ASTN2: variants seen among roughly 807,000 people sequenced by gnomAD.
The protein encoded by ASTN2 is astrotactin-2.
Under a neutral mutation model 139.8 loss-of-function variants are expected in ASTN2, and 54 were observed. That is an observed-to-expected ratio of 0.39 (90% CI 0.31 to 0.48). ASTN2 has a LOEUF of 0.48. Ranked by LOEUF, ASTN2 falls within the 20% of genes least tolerant of loss-of-function variation. The probability of loss-of-function intolerance (pLI) is 0.95; values close to 1 mark genes in which losing one functional copy is unlikely to be tolerated. For synonymous variants in ASTN2, 756 were observed against 719.5 expected (o/e 1.05, Z -0.81); for missense variants, 1,565 against 1,725.1 (o/e 0.91, Z 1.64).
intron 19 of ASTN2, among the ~76,000 whole-genome samples, chr9:116,536,229 G>C (rs1284797249): frequency 6.6e-6 from 1 of 151,784 alleles, no homozygotes; most frequent in African/African-American, 2.4e-5. Flanking sequence ...GGACTTCTCT[G>C]CATTGGTTAT....
intron 17 of ASTN2, among the ~76,000 whole-genome samples, chr9:116,640,754 C>G (rs1264018278): frequency 2.6e-5 from 4 of 152,198 alleles, no homozygotes; most frequent in Non-Finnish European, 5.9e-5. Flanking sequence ...TGGTTTTAAT[C>G]ACGAAAGTGA....
chr9:117,302,187 A>G lies in ASTN2; in HGVS notation c.443-10674T>C, dbSNP rs530159029. Among the ~76,000 whole-genome samples the G allele has an allele frequency of 2.0e-5, 3 of 152,088 alleles. No individual in the cohort carries two copies. The East Asian group carries it at 5.8e-4, about 29-fold the overall frequency. ...ACTTTACTTGTAAACAGTTTCCAAGACCCTTCCACCTTGTCCCCAGTGCCC... is the reference window on the plus strand; with the variant it reads ...ACTTTACTTGTAAACAGTTTCCAAGGCCCTTCCACCTTGTCCCCAGTGCCC... On this transcript the variant is annotated intron_variant, in intron 1 of 22. Transcript: ENST00000313400.
chr9:117,295,611 G>C (rs1351972119), intron 1 of ASTN2, among the ~76,000 whole-genome samples: 1 of 151,768 alleles, frequency 6.6e-6, no homozygotes, highest in East Asian at 1.9e-4. Context: ...ATATATTTCA[G>C]TGATTTGGTA....
chr9:116,721,637 A>G (rs1828475221), intron 16 of ASTN2, among the ~76,000 whole-genome samples: 1 of 152,128 alleles, frequency 6.6e-6, no homozygotes, highest in South Asian at 2.1e-4. Flanking sequence ...TGGAACCTAG[A>G]GCTTCCAGGG....
At chr9:116,475,068 C>T (rs1848935300) in intron 20 of ASTN2, among the ~76,000 whole-genome samples, 1 of 152,106 alleles carries the variant, frequency 6.6e-6, no homozygotes, top group African/African-American at 2.4e-5. Flanking sequence ...GAGAAGTGGC[C>T]TAGATAAGAG....
chr9:116,620,429 T>C lies in ASTN2; in HGVS notation c.3087A>G (p.Ala1029=). The C allele has an allele frequency of 6.2e-7, 1 of 1,614,092 alleles. No homozygotes were observed. The highest frequency in any genetic ancestry group is 8.5e-7 in the Non-Finnish European group (1 of 1,180,000). The change falls in exon 18 of 23, where the codon GCA becomes GCG. Residue 1029 remains alanine, a synonymous_variant. Coordinates refer to ENST00000313400, the MANE Select transcript of ASTN2 (RefSeq NM_001365068.1). The part of the protein sequence containing the change: ...DNGTKEAFKS[A]LMSSYWCSGK... ...CTGAGCACCAGTAGGAACTCATCAG[T>C]GCACTCTTGAAGGCCTGGACAAAAA...
intron 1 of ASTN2, among the ~76,000 whole-genome samples, chr9:117,313,375 A>G (rs141425066): frequency 1.7e-3 from 264 of 152,242 alleles, no homozygotes; most frequent in African/African-American, 6.1e-3. Flanking sequence ...CTGCTGCTCA[A>G]TGGGGCCTCA....
At chr9:116,491,912 C>A (rs74608346) in intron 19 of ASTN2, among the ~76,000 whole-genome samples, 6,347 of 152,268 alleles carry the variant, frequency 0.042, 364 homozygotes, top group Admixed American at 0.18. Context: ...ACTCCACTTA[C>A]TGCTTGTCTT....
intron 16 of ASTN2, among the ~76,000 whole-genome samples, chr9:116,654,698 T>G (rs901373466): frequency 6.6e-6 from 1 of 152,172 alleles, no homozygotes; most frequent in African/African-American, 2.4e-5. Flanking sequence ...ATCCCAGTCT[T>G]CTAATCACCA....
chr9:117,339,533 G>A (rs948703596), intron 1 of ASTN2, among the ~76,000 whole-genome samples: 13 of 152,028 alleles, frequency 8.6e-5, no homozygotes, highest in Admixed American at 1.3e-4. Flanking sequence ...CCAACACTCC[G>A]TTTACAAAGA....
intron 2 of ASTN2, among the ~76,000 whole-genome samples, chr9:117,281,558 T>G (rs1834324817): frequency 6.6e-6 from 1 of 152,214 alleles, no homozygotes; most frequent in South Asian, 2.1e-4. Context: ...ACTGCAAATG[T>G]GCTCACAGCA....
chr9:117,367,964 C>A (rs749015984), intron 1 of ASTN2, among the ~76,000 whole-genome samples: 3 of 152,072 alleles, frequency 2.0e-5, no homozygotes, highest in African/African-American at 7.2e-5. Context: ...AGTATGTGCT[C>A]TTTTCACAAA....
At chr9:116,553,133 TTTC>T (rs1480114727) in intron 19 of ASTN2, among the ~76,000 whole-genome samples, 1 of 152,104 alleles carries the variant, frequency 6.6e-6, no homozygotes, top group African/African-American at 2.4e-5. Flanking sequence ...CTTCCTCCTC[TTTC>T]TTCTTCTTTT....
At chr9:116,931,743 C>T (rs564287792) in intron 10 of ASTN2, among the ~76,000 whole-genome samples, 42 of 152,100 alleles carry the variant, frequency 2.8e-4, no homozygotes, top group African/African-American at 8.7e-4. Context: ...AGTAAATGTT[C>T]GATAATACTA....
In ASTN2 at chr9:116,800,962, G is replaced by A. The variant is rs1268269713; in HGVS notation, c.2396+4670C>T. Among the ~76,000 whole-genome samples the A allele has an allele frequency of 3.9e-5, 6 of 152,280 alleles. No homozygotes were observed. In the South Asian group the frequency reaches 8.3e-4, roughly 21 times the overall value. ...TCTCTTATATCAGCAGTTGCTAGGT[G>A]GGGTGATCTAGGCAGGGGCAGGGAG... is the stretch of plus-strand genomic sequence containing the variant. On this transcript the variant is annotated intron_variant, in intron 13 of 22. Coordinates refer to ENST00000313400, the MANE Select transcript of ASTN2 (RefSeq NM_001365068.1).
At chr9:116,961,005 G>A (rs1290756470) in intron 10 of ASTN2, among the ~76,000 whole-genome samples, 2 of 101,438 alleles carry the variant, frequency 2.0e-5, no homozygotes, top group African/African-American at 3.8e-5. Context: ...CTGCAGGGCT[G>A]AAAGATGCTG....
chr9:117,105,922 T>A (rs77358026), intron 4 of ASTN2, among the ~76,000 whole-genome samples: 8,866 of 152,270 alleles, frequency 0.058, 550 homozygotes, highest in East Asian at 0.18. Context: ...ACTTGAAAGA[T>A]GAGGACACAG....
intron 19 of ASTN2, among the ~76,000 whole-genome samples, chr9:116,603,475 T>C (rs537998429): frequency 4.4e-4 from 67 of 152,164 alleles, no homozygotes; most frequent in Non-Finnish European, 6.6e-4. Context: ...ATCAAAGAAG[T>C]GAGAGACTGG....
intron 5 of ASTN2, among the ~76,000 whole-genome samples, chr9:117,071,831 C>T (rs577053109): frequency 1.2e-3 from 178 of 151,616 alleles, no homozygotes; most frequent in African/African-American, 3.9e-3. Flanking sequence ...TGACCCCTTG[C>T]GCTTCCCAGG....
Sources: allele counts gnomAD v4.1 joint callset (sites outside exome capture counted in the v4.1 genomes callset), GRCh38; gene constraint gnomAD v4.1.1; transcripts MANE v1.5; gene names NCBI Gene and HGNC (gene_info 2026-07-23, HGNC 2026-07-21).